Variants in PWP1 observed in about 807,000 individuals in gnomAD.
PWP1 encodes PWP1 homolog, endonuclein.
A neutral mutation model predicts 69.9 loss-of-function variants in PWP1; 47 were observed. That is an observed-to-expected ratio of 0.67 (90% CI 0.53 to 0.86). The LOEUF is 0.86. Ranked by LOEUF, PWP1 falls within the 40% of genes least tolerant of loss-of-function variation. The pLI, the probability that PWP1 is intolerant of heterozygous loss-of-function variation, is 0.00. For missense variants in PWP1, 551 were observed against 608.8 expected (o/e 0.91, Z 1.00); for synonymous variants, 222 against 208.2 (o/e 1.07, Z -0.57).
intron 7 of PWP1, 49 bp from the exon 8 acceptor site, chr12:107,699,321 TTTA>T (rs1889656663): frequency 7.3e-7 from 1 of 1,371,864 alleles, no homozygotes. Context: ...TATATTCAGT[TTTA>T]TTATGAGGGG....
rs749576800 is a variant in PWP1, at chr12:107,685,849, C to T, written c.-51C>T. 3 of 1,597,056 alleles carry T rather than the reference C, an allele frequency of 1.9e-6. No homozygotes were observed. Among genetic ancestry groups the T allele is most frequent in the East Asian group, 4.5e-5 (2 of 44,680 alleles). On this transcript the variant is annotated 5_prime_UTR_variant, in exon 1 of 15. Transcript: ENST00000412830. The stretch of plus-strand genomic sequence containing the variant: ...GTGTGGCAGCAGTGCGGTCGTGGTC[C>T]CTCCCTATGCAGCCTGGTTTCTAGC...
chr12:107,694,563 T>C (rs1361742422), intron 5 of PWP1, among the ~76,000 whole-genome samples: 1 of 152,248 alleles, frequency 6.6e-6, no homozygotes, highest in Non-Finnish European at 1.5e-5. Flanking sequence ...GCAGGCACTT[T>C]AATGTGAAAT....
chr12:107,695,578 C>T (rs1371226458), intron 5 of PWP1, among the ~76,000 whole-genome samples: 1 of 152,160 alleles, frequency 6.6e-6, no homozygotes, highest in Non-Finnish European at 1.5e-5. Flanking sequence ...AGACTTCTTA[C>T]TCATTGATTT....
chr12:107,699,457 T>C, intron 8 of PWP1, 23 bp downstream of exon 8: 1 of 1,590,334 alleles, frequency 6.3e-7, no homozygotes, highest in Non-Finnish European at 8.6e-7. Flanking sequence ...AACATTTGAA[T>C]GATTGTAAAA....
chr12:107,693,127 T>G, intron 5 of PWP1, 31 bp downstream of exon 5: 1 of 1,570,128 alleles, frequency 6.4e-7, no homozygotes, highest in Non-Finnish European at 8.6e-7. Flanking sequence ...TAAAAGATTT[T>G]CTAAGTGATG....
chr12:107,693,449 AT>A (rs965279401), intron 5 of PWP1, among the ~76,000 whole-genome samples: 3 of 152,066 alleles, frequency 2.0e-5, no homozygotes, highest in Admixed American at 6.6e-5. Flanking sequence ...TGGGTGCTGG[AT>A]TACAGGTGTG....
intron 5 of PWP1, among the ~76,000 whole-genome samples, chr12:107,694,145 GTT>G (rs1049087186): frequency 6.6e-6 from 1 of 152,118 alleles, no homozygotes; most frequent in African/African-American, 2.4e-5. Context: ...TGTAAAATCT[GTT>G]TTTTATATGC....
At chr12:107,696,892 T>C (rs555551009) in intron 6 of PWP1, among the ~76,000 whole-genome samples, 2 of 152,256 alleles carry the variant, frequency 1.3e-5, no homozygotes, top group East Asian at 1.9e-4. Context: ...TGGCCTGATA[T>C]GTGAGATGTT....
chr12:107,705,384 T>A (rs1889799670), intron 11 of PWP1, among the ~76,000 whole-genome samples: 1 of 152,048 alleles, frequency 6.6e-6, no homozygotes, highest in Non-Finnish European at 1.5e-5. Flanking sequence ...TTTTTTTTTT[T>A]TTTAAATTTA....
chr12:107,710,617 G>A, intron 14 of PWP1, 107 bp downstream of exon 14: 2 of 1,409,086 alleles, frequency 1.4e-6, no homozygotes, highest in South Asian at 1.4e-5. Context: ...CAAACTCCTG[G>A]CCTCAAGCAA....
rs1889778569 is a variant in PWP1, at chr12:107,704,702, G to C, written c.1032G>C (p.Gln344His). ...ATCGAATGTGGCGATTCAGTGGGCA[G>C]ATAGAGAGAGTGACTTGGAATCACT... ...ESHRMWRFSG[Q>H]IERVTWNHFS... Residue 344 changes from glutamine (Q) to histidine (H), a missense_variant, in exon 11 of 15, where the codon CAG becomes CAC. Coordinates refer to ENST00000412830, the MANE Select transcript of PWP1 (RefSeq NM_007062.3). The C allele has an allele frequency of 6.2e-7, 1 of 1,614,020 alleles. No homozygotes were observed. Among genetic ancestry groups the C allele is most frequent in the Non-Finnish European group, 8.5e-7 (1 of 1,179,922 alleles).
rs1889428803 is a variant in PWP1 at position 107,688,931 on chromosome 12, T to C, written c.319+129T>C. ...TCAGTAAGATAATCTGGTTGAAGAC[T>C]TGGGCAGACAGCATGATTCCTAAAC... On this transcript the variant is annotated intron_variant, in intron 3 of 14. Coordinates refer to ENST00000412830, the MANE Select transcript of PWP1 (RefSeq NM_007062.3). 5.3e-6 allele frequency: 5 copies of C among 942,748 alleles called. No individual in the cohort carries two copies. The South Asian group carries it at 8.8e-5, about 17-fold the overall frequency. The allele number at this position is 942,748 out of a possible 1,614,324, so 58.4% of individuals were successfully genotyped here.
At chr12:107,707,677 T>G (rs1454251492) in intron 11 of PWP1, among the ~76,000 whole-genome samples, 1 of 152,234 alleles carries the variant, frequency 6.6e-6, no homozygotes, top group African/African-American at 2.4e-5. Context: ...TCTTTGGTTC[T>G]GTTTATATGC....
At position 107,704,684 on chromosome 12, in the gene PWP1, G is replaced by GT. The variant is rs1889778110; in HGVS notation, c.1015dup (p.Trp339LeufsTer26). On this transcript the variant is annotated frameshift_variant, in exon 11 of 15. Transcript: ENST00000412830. LOFTEE classifies it high-confidence loss of function. ...GAAGTCCAGATGAAAGCCATCGAAT[G>GT]TGGCGATTCAGTGGGCAGATAGAGA... is the stretch of plus-strand genomic sequence containing the variant. 6.2e-7 allele frequency: 1 copy of GT among 1,613,924 alleles called. No homozygotes were observed. Among genetic ancestry groups the GT allele is most frequent in the Non-Finnish European group, 8.5e-7 (1 of 1,179,940 alleles).
Position 107,709,145 on chromosome 12 carries a change from C to G in PWP1, c.1203C>G (p.Leu401=). 4 of 1,613,978 alleles carry G rather than the reference C, an allele frequency of 2.5e-6. No homozygotes were observed. Among genetic ancestry groups the G allele is most frequent in the Non-Finnish European group, 1.7e-6 (2 of 1,179,912 alleles). ...LDLSSQIKGC[L]VTASADKYVK... is the part of the protein sequence containing the mutation. The stretch of plus-strand genomic sequence containing the variant: ...TTAGCAGTCAAATCAAGGGCTGTCT[C>G]GTGACTGCTTCAGCTGACAAATACG... Residue 401 remains leucine, a synonymous_variant, in exon 13 of 15, where the codon CTC becomes CTG. Transcript: ENST00000412830.
intron 11 of PWP1, 140 bp downstream of exon 11, chr12:107,704,887 G>T (rs946706587): frequency 6.9e-6 from 4 of 579,920 alleles, no homozygotes; most frequent in Admixed American, 3.6e-5. Flanking sequence ...AGCATAAGGT[G>T]TTTTTTTTTA....
chr12:107,688,710 T>C lies in PWP1; in HGVS notation c.227T>C (p.Leu76Pro), dbSNP rs1889423679. 1 of 1,614,208 alleles carries C rather than the reference T, an allele frequency of 6.2e-7. No homozygotes were observed. The highest frequency in any genetic ancestry group is 8.5e-7 in the Non-Finnish European group (1 of 1,180,040). ...ACCCAGGCACGCCCAAGAGAGCCCCTGGAGGATGGTGACCCAGAGGATGAC... is the reference window on the plus strand; with the variant it reads ...ACCCAGGCACGCCCAAGAGAGCCCCCGGAGGATGGTGACCCAGAGGATGAC... Reference protein sequence around the residue: ...ARTQARPREPLEDGDPEDDRT... With the variant: ...ARTQARPREPPEDGDPEDDRT... Residue 76 changes from leucine to proline, a missense_variant, in exon 3 of 15, where the codon CTG (leucine) becomes CCG (proline). By Grantham distance (98) the Leu-to-Pro change is moderately conservative (BLOSUM62 -3). Coordinates refer to ENST00000412830, the MANE Select transcript of PWP1 (RefSeq NM_007062.3).
At chr12:107,709,331 A>T in intron 13 of PWP1, 99 bp downstream of exon 13, 1 of 1,401,424 alleles carries the variant, frequency 7.1e-7, no homozygotes, top group Non-Finnish European at 9.8e-7. Context: ...GAACTATTGC[A>T]TTAACAAATA....
intron 1 of PWP1, among the ~76,000 whole-genome samples, chr12:107,686,858 C>T (rs1219408352): frequency 1.3e-5 from 2 of 150,014 alleles, no homozygotes; most frequent in Admixed American, 6.7e-5. Flanking sequence ...CCCAGCTACT[C>T]GGGAGGCTGA....
Sources: allele counts gnomAD v4.1 joint callset (sites outside exome capture counted in the v4.1 genomes callset), GRCh38; gene constraint gnomAD v4.1.1; transcripts MANE v1.5; gene names NCBI Gene and HGNC (gene_info 2026-07-23, HGNC 2026-07-21).